Variants in FARP1 observed in about 807,000 individuals in gnomAD.
FARP1 encodes FERM, ARH/RhoGEF and pleckstrin domain protein 1.
A neutral mutation model predicts 128.8 loss-of-function variants in FARP1; 52 were observed. The ratio of observed to expected loss-of-function variants is 0.40; its 90% confidence interval spans 0.32 to 0.51. FARP1 has a LOEUF of 0.51. FARP1 is among the 20% of genes least tolerant of loss of function. The pLI is 0.45. For missense variants in FARP1, 1,333 were observed against 1,367.9 expected, an observed-to-expected ratio of 0.97 and a Z score of 0.40; for synonymous variants, 580 against 551.8, an observed-to-expected ratio of 1.05 and a Z score of -0.72.
chr13:98,358,763 G>A (rs1361870245), intron 3 of FARP1, among the ~76,000 whole-genome samples: 1 of 151,912 alleles, frequency 6.6e-6, no homozygotes, highest in African/African-American at 2.4e-5. Context: ...AGCCTCTCGA[G>A]TAGTTGGGAC....
intron 1 of FARP1, among the ~76,000 whole-genome samples, chr13:98,203,454 C>T (rs1880081186): frequency 6.6e-6 from 1 of 152,200 alleles, no homozygotes; most frequent in African/African-American, 2.4e-5. Context: ...ATTTATCCTC[C>T]TGATAAAGCC....
intron 2 of FARP1, among the ~76,000 whole-genome samples, chr13:98,301,096 G>A (rs1447832833): frequency 1.3e-5 from 2 of 152,154 alleles, no homozygotes; most frequent in East Asian, 3.8e-4. Context: ...AGAGGCCAAG[G>A]CACTGCTGAT....
At position 98,411,834 on chromosome 13, in the gene FARP1, T is replaced by C. The variant is rs1364772016; in HGVS notation, c.1693-67T>C. ...AGTGCATTTGGCTGCATGTGACTTC[T>C]GGAGAAAACTGCAGACACTCGTCAT... On this transcript the variant is annotated intron_variant, in intron 15 of 26. Transcript: ENST00000319562. The C allele has an allele frequency of 2.7e-5, 42 of 1,562,304 alleles. No homozygotes were observed. In the East Asian group the frequency reaches 9.5e-4, roughly 35 times the overall value.
Position 98,453,428 on chromosome 13 carries a change from A to G in FARP1, c.*5111A>G. 3.6e-6 allele frequency: 2 copies of G among 554,206 alleles called. No individual in the cohort carries two copies. Among genetic ancestry groups the G allele is most frequent in the Non-Finnish European group, 6.3e-6 (2 of 317,952 alleles). The allele number at this position is 554,206 out of a possible 1,614,324, so 34.3% of individuals were successfully genotyped here. On this transcript the variant is annotated 3_prime_UTR_variant, in exon 27 of 27. Transcript: ENST00000319562. ...AAAAACTCCAGAGCATGTCACCAAAAACCAAGAATGGGTTCAGCCTCCCTG... is the reference window on the plus strand; with the variant it reads ...AAAAACTCCAGAGCATGTCACCAAAGACCAAGAATGGGTTCAGCCTCCCTG...
Position 98,143,128 on chromosome 13 carries a change from T to G in FARP1, c.-388T>G, listed in dbSNP as rs1875173366. 1 of 147,086 alleles carries G rather than the reference T, an allele frequency of 6.8e-6. No homozygotes were observed. Among genetic ancestry groups the G allele is most frequent in the African/African-American group, 2.4e-5 (1 of 40,844 alleles). 9.1% of individuals were successfully genotyped at this position (147,086 alleles called of 1,614,324 possible). The stretch of plus-strand genomic sequence containing the variant: ...GCTCGCCGGCCTCAGAGGCGGCGGG[T>G]CCGGCGCGGGCGCAGCGGTGCGGGC... On this transcript the variant is annotated 5_prime_UTR_variant, in exon 1 of 27. Coordinates refer to ENST00000319562, the MANE Select transcript of FARP1 (RefSeq NM_005766.4).
intron 2 of FARP1, among the ~76,000 whole-genome samples, chr13:98,300,446 G>C (rs551206684): frequency 6.6e-6 from 1 of 152,220 alleles, no homozygotes; most frequent in African/African-American, 2.4e-5. Context: ...GAGCCCTCTT[G>C]GTTTGGTACC....
intron 1 of FARP1, among the ~76,000 whole-genome samples, chr13:98,163,618 C>A (rs940289787): frequency 6.6e-6 from 1 of 151,638 alleles, no homozygotes; most frequent in Non-Finnish European, 1.5e-5. Flanking sequence ...CTCACTGCAA[C>A]CTCTGCCTCC....
chr13:98,419,367 G>T (rs9554466), intron 16 of FARP1, among the ~76,000 whole-genome samples: 4 of 151,796 alleles, frequency 2.6e-5, no homozygotes, highest in Non-Finnish European at 5.9e-5. Flanking sequence ...CCAGCTACTC[G>T]GGAGGCAGAG....
At chr13:98,179,901 C>A (rs118126919) in intron 1 of FARP1, among the ~76,000 whole-genome samples, 1,808 of 152,098 alleles carry the variant, frequency 0.012, 16 homozygotes, top group Non-Finnish European at 0.02. Context: ...GACTTAATTC[C>A]TCATTTTTAG....
In FARP1 at chr13:98,451,618, T is replaced by C. The variant is rs905030096; in HGVS notation, c.*3301T>C. 1.3e-5 allele frequency: 2 copies of C among 152,206 alleles called. No individual in the cohort carries two copies. Among genetic ancestry groups the C allele is most frequent in the African/African-American group, 4.8e-5 (2 of 41,442 alleles). The allele number at this position is 152,206 out of a possible 1,614,324, so 9.4% of individuals were successfully genotyped here. A position where few individuals can be genotyped will look rare whatever the true frequency, so the allele number is the denominator to read the frequency against. ...GCTTAGAGGCCACTAGACCAGCAGA[T>C]AGCTGAGCTACATCCCCAAGCTCAC... On this transcript the variant is annotated 3_prime_UTR_variant, in exon 27 of 27. Coordinates refer to ENST00000319562, the MANE Select transcript of FARP1 (RefSeq NM_005766.4).
intron 2 of FARP1, among the ~76,000 whole-genome samples, chr13:98,218,683 C>T (rs1194629673): frequency 1.3e-5 from 2 of 152,096 alleles, no homozygotes; most frequent in African/African-American, 2.4e-5. Context: ...ATGCCAGTTG[C>T]GGGCCGCAGG....
chr13:98,341,228 A>G (rs9517262), intron 2 of FARP1, among the ~76,000 whole-genome samples: 25,074 of 151,868 alleles, frequency 0.17, 2,552 homozygotes, highest in Non-Finnish European at 0.24. Context: ...GCTCATGGAC[A>G]TGTCCATCCG....
intron 8 of FARP1, among the ~76,000 whole-genome samples, chr13:98,386,985 C>G (rs919302322): frequency 6.6e-6 from 1 of 152,174 alleles, no homozygotes; most frequent in African/African-American, 2.4e-5. Flanking sequence ...GACCTGCACG[C>G]ATAGCCTCTG....
intron 2 of FARP1, among the ~76,000 whole-genome samples, chr13:98,275,735 G>C (rs921816744): frequency 5.9e-5 from 9 of 151,686 alleles, no homozygotes; most frequent in Non-Finnish European, 1.2e-4. Context: ...GACATTGGTG[G>C]CTAAGCAATT....
At chr13:98,394,141 G>A (rs1566949064) in intron 12 of FARP1, among the ~76,000 whole-genome samples, 2 of 152,144 alleles carry the variant, frequency 1.3e-5, no homozygotes, top group African/African-American at 2.4e-5. Flanking sequence ...AGAACTGGTC[G>A]GCGAGTTCCC....
intron 2 of FARP1, among the ~76,000 whole-genome samples, chr13:98,261,436 A>G (rs1307002359): frequency 6.8e-6 from 1 of 147,104 alleles, no homozygotes; most frequent in Non-Finnish European, 1.5e-5. Flanking sequence ...ATAGCATCTT[A>G]CTCCCCTCCT....
intron 24 of FARP1, 137 bp downstream of exon 24, chr13:98,440,973 G>T: frequency 1.2e-6 from 1 of 855,962 alleles, no homozygotes; most frequent in South Asian, 1.6e-5. Flanking sequence ...GAGCAGGGAA[G>T]GATCAACACT....
chr13:98,219,821 AC>A (rs1396716978), intron 2 of FARP1, among the ~76,000 whole-genome samples: 1 of 150,356 alleles, frequency 6.7e-6, no homozygotes, highest in Non-Finnish European at 1.5e-5. Context: ...ACGCATCACC[AC>A]ACCTAGCTAT....
rs2139208191 is a variant in FARP1, at chr13:98,450,285, T to TGAC, written c.*1969_*1971dup. The stretch of plus-strand genomic sequence containing the variant: ...CCCTATTAGGTCACTCTGCCTTTGC[T>TGAC]GACACATTTTATAGCAGAAATACAC... On this transcript the variant is annotated 3_prime_UTR_variant, in exon 27 of 27. Transcript: ENST00000319562. The TGAC allele has an allele frequency of 6.6e-6, 1 of 152,352 alleles. No homozygotes were observed. The highest frequency in any genetic ancestry group is 2.1e-4 in the South Asian group (1 of 4,830). The allele number at this position is 152,352 out of a possible 1,614,324, so 9.4% of individuals were successfully genotyped here.
Sources: gnomAD v4.1 joint callset for allele counts (sites outside exome capture counted in the v4.1 genomes callset) on GRCh38, gnomAD v4.1.1 for gene constraint, MANE v1.5 for transcripts, NCBI Gene and HGNC (gene_info 2026-07-23, HGNC 2026-07-21) for gene names.